CCDC39: variants seen among roughly 807,000 people sequenced by gnomAD.
CCDC39 encodes coiled-coil domain 39 molecular ruler complex subunit.
CCDC39 carries 113 observed loss-of-function variants against 121.0 expected under a neutral mutation model. The ratio of observed to expected loss-of-function variants is 0.93; its 90% CI spans 0.80 to 1.09. The LOEUF (loss-of-function observed/expected upper bound fraction) is 1.09. Ranked by LOEUF, CCDC39 falls within the 50% of genes least tolerant of loss-of-function variation. The pLI, the probability that CCDC39 is intolerant of heterozygous loss-of-function variation, is 0.00. For missense variants in CCDC39, 1,063 were observed against 1,074.7 expected, an observed-to-expected ratio of 0.99 and a Z score of 0.15; for synonymous variants, 349 against 352.2, an observed-to-expected ratio of 0.99 and a Z score of 0.10.
chr3:180,627,277 CA>C (rs1283958943), intron 14 of CCDC39, among the ~76,000 whole-genome samples: 2 of 151,934 alleles, frequency 1.3e-5, no homozygotes, highest in South Asian at 2.1e-4. Flanking sequence ...AAAAGTTTAG[CA>C]AAAAAATTAT....
intron 1 of CCDC39, among the ~76,000 whole-genome samples, chr3:180,667,386 C>G (rs893308438): frequency 6.6e-6 from 1 of 152,156 alleles, no homozygotes; most frequent in African/African-American, 2.4e-5. Context: ...TTTGTGGCAA[C>G]CCTGTGTCTA....
chr3:180,679,005 C>T lies in CCDC39; in HGVS notation c.90+286G>A, dbSNP rs1712316222. ...CCGGAACCAGCCTTTCCTCTCTCGCCAGGAGGAACGAAATAAGTAAGAGGA... is the reference window on the plus strand; with the variant it reads ...CCGGAACCAGCCTTTCCTCTCTCGCTAGGAGGAACGAAATAAGTAAGAGGA... On this transcript the variant is annotated intron_variant, in intron 1 of 19. Coordinates refer to ENST00000476379, the MANE Select transcript of CCDC39 (RefSeq NM_181426.2). This position sits in a 1 kb window ranked among gnomAD's most constrained non-coding sequence, Gnocchi z 4.0. Among the ~76,000 whole-genome samples the T allele has an allele frequency of 6.6e-6, 1 of 152,062 alleles. No homozygotes were observed. The highest frequency in any genetic ancestry group is 2.1e-4 in the South Asian group (1 of 4,822).
chr3:180,674,332 T>C (rs1319130932), intron 1 of CCDC39, among the ~76,000 whole-genome samples: 1 of 152,190 alleles, frequency 6.6e-6, no homozygotes, highest in Non-Finnish European at 1.5e-5. Context: ...TGATTTTGTA[T>C]CCTGAGACTT....
At chr3:180,622,161 CTG>C (rs1271659945) in intron 14 of CCDC39, among the ~76,000 whole-genome samples, 1 of 151,716 alleles carries the variant, frequency 6.6e-6, no homozygotes, top group Non-Finnish European at 1.5e-5. Flanking sequence ...TTTCTAGGTA[CTG>C]TTTTTGTATC....
rs761750422 is a variant in CCDC39, at chr3:180,616,585, A to G, written c.2517T>C (p.Asp839=). ...REMKQFHKVI[D]EMLVDIIEEN... ...CTTCTATGATATCAACTAACATTTC[A>G]TCAATAACTTTGTGAAACTGTTTCA... The change falls in exon 18 of 20, where the codon GAT becomes GAC. Residue 839 remains aspartate, a synonymous_variant. Transcript: ENST00000476379. 1.2e-6 allele frequency: 2 copies of G among 1,602,256 alleles called. No homozygotes were observed. Among genetic ancestry groups the G allele is most frequent in the South Asian group, 1.1e-5 (1 of 88,590 alleles).
At chr3:180,645,047 G>T (rs757200404) in intron 11 of CCDC39, among the ~76,000 whole-genome samples, 1 of 152,128 alleles carries the variant, frequency 6.6e-6, no homozygotes, top group African/African-American at 2.4e-5. Context: ...CTTAGAATCA[G>T]ATGGCTTTAA....
intron 1 of CCDC39, among the ~76,000 whole-genome samples, chr3:180,677,379 C>G (rs1712266460): frequency 6.7e-6 from 1 of 150,236 alleles, no homozygotes; most frequent in Non-Finnish European, 1.5e-5. Context: ...ACACTAAACA[C>G]TTGTGATAAA....
chr3:180,625,212 C>A lies in CCDC39; in HGVS notation c.1999-5242G>T, dbSNP rs573089370. 8.6e-5 allele frequency among the ~76,000 whole-genome samples: 13 copies of A among 151,862 alleles called. No homozygotes were observed. In the East Asian group the frequency reaches 1.9e-3, roughly 23 times the overall value. ...TTCCAAACATCTTGAAGGCCTTGTT[C>A]ACTCTTTTTTATTCTTTTTTTTTTA... On this transcript the variant is annotated intron_variant, in intron 14 of 19. Transcript: ENST00000476379.
rs181692010 is a variant in CCDC39, at chr3:180,665,520, A to T, written c.91-1534T>A. Among the ~76,000 whole-genome samples, 1,481 of 151,372 alleles carry T rather than the reference A, an allele frequency of 9.8e-3. 29 individuals are homozygous for T. Among genetic ancestry groups the T allele is most frequent in the African/African-American group, 0.031 (1,278 of 41,296 alleles). On this transcript the variant is annotated intron_variant, in intron 1 of 19. Transcript: ENST00000476379. ...TTTGTATGTCCTATACTAATATTAA[A>T]TTTTTTTTTGCTTTTTGTGTCATTA... is the stretch of plus-strand genomic sequence containing the variant.
intron 2 of CCDC39, among the ~76,000 whole-genome samples, chr3:180,662,738 T>C (rs1450940569): frequency 6.6e-6 from 1 of 152,214 alleles, no homozygotes; most frequent in Non-Finnish European, 1.5e-5. Flanking sequence ...CTCAATCACA[T>C]TGAGATTCAA....
chr3:180,647,555 T>C (rs981769867), intron 10 of CCDC39, among the ~76,000 whole-genome samples: 1 of 152,126 alleles, frequency 6.6e-6, no homozygotes, highest in Admixed American at 6.5e-5. Context: ...TGAATTTGGA[T>C]TTCTGAGGGC....
At chr3:180,632,515 A>G (rs1717724470) in intron 13 of CCDC39, among the ~76,000 whole-genome samples, 2 of 152,186 alleles carry the variant, frequency 1.3e-5, no homozygotes, top group African/African-American at 2.4e-5. Flanking sequence ...ATTTTTAATT[A>G]TCACTCATTT....
At chr3:180,619,670 G>A in intron 15 of CCDC39, 141 bp downstream of exon 15, 1 of 579,304 alleles carries the variant, frequency 1.7e-6, no homozygotes, top group Non-Finnish European at 2.9e-6. Context: ...AATGTCGTGG[G>A]GGGAGGAAAG....
intron 14 of CCDC39, among the ~76,000 whole-genome samples, chr3:180,624,817 T>C (rs1295105422): frequency 1.3e-5 from 2 of 152,308 alleles, no homozygotes; most frequent in East Asian, 1.9e-4. Flanking sequence ...GTTTTTGTTT[T>C]CCTTTTAGTG....
At chr3:180,678,051 A>C (rs1179074371) in intron 1 of CCDC39, among the ~76,000 whole-genome samples, 1 of 152,174 alleles carries the variant, frequency 6.6e-6, no homozygotes, top group African/African-American at 2.4e-5. Flanking sequence ...AGAATACTAA[A>C]ACCTAAAATT....
At chr3:180,651,919 C>T (rs1484075904) in intron 8 of CCDC39, among the ~76,000 whole-genome samples, 1 of 152,032 alleles carries the variant, frequency 6.6e-6, no homozygotes. Flanking sequence ...CACCTGTAGT[C>T]CCAGCTACTC....
At chr3:180,651,354 T>C (rs1395338969) in intron 9 of CCDC39, 47 bp downstream of exon 9, 1 of 1,475,746 alleles carries the variant, frequency 6.8e-7, no homozygotes, top group Non-Finnish European at 9.2e-7. Context: ...TAATTCACTG[T>C]TGCTAAATTT....
chr3:180,646,652 T>A (rs974105495), intron 11 of CCDC39, among the ~76,000 whole-genome samples: 1 of 152,120 alleles, frequency 6.6e-6, no homozygotes, highest in Non-Finnish European at 1.5e-5. Flanking sequence ...ATCAAGTTAT[T>A]TGTTATGGCA....
chr3:180,651,352 T>G (rs1039382445), intron 9 of CCDC39, 49 bp downstream of exon 9: 1 of 1,462,728 alleles, frequency 6.8e-7, no homozygotes, highest in African/African-American at 1.4e-5. Flanking sequence ...ATTAATTCAC[T>G]GTTGCTAAAT....
Sources: gnomAD v4.1 joint callset for allele counts (sites outside exome capture counted in the v4.1 genomes callset) on GRCh38, gnomAD v4.1.1 for gene constraint, Gnocchi (gnomAD v3.1) non-coding constraint, MANE v1.5 for transcripts, NCBI Gene and HGNC (gene_info 2026-07-23, HGNC 2026-07-21) for gene names.